ARHGEF28: variants seen among roughly 807,000 people sequenced by gnomAD.
The protein encoded by ARHGEF28 is Rho guanine nucleotide exchange factor 28.
In ARHGEF28, 152 loss-of-function variants were observed where a neutral mutation model predicts 206.6. The ratio of observed to expected loss-of-function variants is 0.74; its 90% CI spans 0.64 to 0.84. The LOEUF is 0.84. Ranked by LOEUF, ARHGEF28 falls within the 40% of genes least tolerant of loss-of-function variation. ARHGEF28 has a pLI of 0.00. For missense variants in ARHGEF28, 2,028 were observed against 2,073.2 expected, an observed-to-expected ratio of 0.98 and a Z score of 0.42; for synonymous variants, 763 against 776.4, an observed-to-expected ratio of 0.98 and a Z score of 0.29.
intron 15 of ARHGEF28, 56 bp from the exon 16 acceptor site, chr5:73,858,031 G>A (rs1021497809): frequency 9.0e-6 from 14 of 1,549,628 alleles, no homozygotes; most frequent in Non-Finnish European, 1.1e-5. Flanking sequence ...TTGGCTCACA[G>A]CGTTTTCCTT....
Position 73,892,370 on chromosome 5 carries a change from C to T in ARHGEF28, c.3566+140C>T, listed in dbSNP as rs191006438. On this transcript the variant is annotated intron_variant, in intron 27 of 35. Transcript: ENST00000513042. The stretch of plus-strand genomic sequence containing the variant: ...GCCCCCTGCACCTGCCTGCGATAGC[C>T]CCCCATCTGCAGCTTTCTCCTCCAC... 1.4e-3 allele frequency: 1,210 copies of T among 882,862 alleles called. 1 individual carries two copies. Among genetic ancestry groups the T allele is most frequent in the Admixed American group, 4.7e-3 (163 of 34,986 alleles). The allele number at this position is 882,862 out of a possible 1,614,324, so 54.7% of individuals were successfully genotyped here.
At chr5:73,922,017 G>T (rs1763547292) in intron 35 of ARHGEF28, among the ~76,000 whole-genome samples, 1 of 152,180 alleles carries the variant, frequency 6.6e-6, no homozygotes, top group Non-Finnish European at 1.5e-5. Context: ...GGAATTGCAT[G>T]CTCAAAGACT....
At chr5:73,937,573 C>T (rs2112055170) in intron 35 of ARHGEF28, among the ~76,000 whole-genome samples, 1 of 152,236 alleles carries the variant, frequency 6.6e-6, no homozygotes, top group Non-Finnish European at 1.5e-5. Context: ...AGTTTTGTTT[C>T]ATTATAATAA....
intron 1 of ARHGEF28, among the ~76,000 whole-genome samples, chr5:73,647,942 C>T (rs1377092464): frequency 1.3e-5 from 2 of 152,176 alleles, no homozygotes; most frequent in Non-Finnish European, 2.9e-5. Context: ...AGATCTTTGC[C>T]TGTTAATCAG....
chr5:73,628,093 T>A (rs1481737927), intron 1 of ARHGEF28, among the ~76,000 whole-genome samples: 2 of 147,544 alleles, frequency 1.4e-5, no homozygotes, highest in Admixed American at 6.7e-5. Flanking sequence ...GTTTCATACT[T>A]TTTTTTTTTA....
chr5:73,924,352 A>G (rs1357300349), intron 35 of ARHGEF28, among the ~76,000 whole-genome samples: 1 of 152,170 alleles, frequency 6.6e-6, no homozygotes, highest in East Asian at 1.9e-4. Flanking sequence ...TGAAATTTTA[A>G]GCAGGTGTTT....
intron 1 of ARHGEF28, among the ~76,000 whole-genome samples, chr5:73,632,076 A>G (rs746803561): frequency 5.3e-5 from 8 of 152,288 alleles, no homozygotes; most frequent in Non-Finnish European, 8.8e-5. Context: ...TAGAATATAC[A>G]CGTGTTGGTC....
chr5:73,703,570 CTT>C (rs1261101691), intron 2 of ARHGEF28, among the ~76,000 whole-genome samples: 2 of 152,044 alleles, frequency 1.3e-5, no homozygotes, highest in Non-Finnish European at 2.9e-5. Context: ...AGGTTATAGA[CTT>C]TGCCTGCTTT....
intron 16 of ARHGEF28, among the ~76,000 whole-genome samples, chr5:73,864,175 C>T (rs145564457): frequency 1.6e-3 from 250 of 152,268 alleles, no homozygotes; most frequent in African/African-American, 5.4e-3. Flanking sequence ...ATGAGGACAG[C>T]CTCAGTGTCT....
chr5:73,852,812 C>T (rs1351502127), intron 14 of ARHGEF28, 120 bp downstream of exon 14: 5 of 1,054,390 alleles, frequency 4.7e-6, no homozygotes, highest in Admixed American at 3.5e-5. Context: ...ACAAGCCTGC[C>T]TAAGACCCTT....
intron 16 of ARHGEF28, among the ~76,000 whole-genome samples, chr5:73,860,517 T>TCA (rs1481351535): frequency 3.3e-4 from 51 of 152,250 alleles, no homozygotes; most frequent in African/African-American, 1.2e-3. Context: ...ATCACAAGCT[T>TCA]CAACCCTGGC....
chr5:73,659,841 T>C (rs1195813311), intron 1 of ARHGEF28, among the ~76,000 whole-genome samples: 2 of 152,224 alleles, frequency 1.3e-5, no homozygotes, highest in Non-Finnish European at 2.9e-5. Flanking sequence ...AAATACCTAA[T>C]TAAAAATACT....
intron 35 of ARHGEF28, among the ~76,000 whole-genome samples, chr5:73,934,861 C>A (rs1561208359): frequency 6.6e-6 from 1 of 152,160 alleles, no homozygotes; most frequent in Non-Finnish European, 1.5e-5. Flanking sequence ...TATCTATTGG[C>A]ATCCTGTTTA....
chr5:73,691,800 G>C (rs1411379535), intron 2 of ARHGEF28, among the ~76,000 whole-genome samples: 1 of 152,214 alleles, frequency 6.6e-6, no homozygotes, highest in Admixed American at 6.5e-5. Context: ...TATGGGTCAA[G>C]CTCATTCCCT....
chr5:73,807,570 C>T (rs1163220784), intron 9 of ARHGEF28, among the ~76,000 whole-genome samples: 4 of 151,622 alleles, frequency 2.6e-5, no homozygotes, highest in Admixed American at 6.6e-5. Flanking sequence ...CTGCAACTTC[C>T]ACCTCCCAGG....
intron 2 of ARHGEF28, among the ~76,000 whole-genome samples, chr5:73,747,333 A>ATTCCAAT (rs1751773300): frequency 6.6e-6 from 1 of 152,138 alleles, no homozygotes; most frequent in Non-Finnish European, 1.5e-5. Flanking sequence ...TTTTTAGAAA[A>ATTCCAAT]GTAGCAGATT....
intron 29 of ARHGEF28, among the ~76,000 whole-genome samples, chr5:73,896,106 C>G (rs1761947614): frequency 6.6e-6 from 1 of 152,290 alleles, no homozygotes; most frequent in African/African-American, 2.4e-5. Context: ...AAAAAGAGAA[C>G]TTTGGATAGT....
chr5:73,722,652 A>G (rs778559878), intron 2 of ARHGEF28, among the ~76,000 whole-genome samples: 1 of 152,232 alleles, frequency 6.6e-6, no homozygotes, highest in African/African-American at 2.4e-5. Flanking sequence ...TAAACTTCAA[A>G]GTACGACTCC....
chr5:73,789,506 A>G (rs535363843), intron 7 of ARHGEF28, among the ~76,000 whole-genome samples: 42 of 152,226 alleles, frequency 2.8e-4, no homozygotes, highest in African/African-American at 9.9e-4. Context: ...ATGGTTGCAG[A>G]ACTCAATATA....
Sources: allele counts gnomAD v4.1 joint callset (sites outside exome capture counted in the v4.1 genomes callset), GRCh38; gene constraint gnomAD v4.1.1; transcripts MANE v1.5; gene names NCBI Gene and HGNC (gene_info 2026-07-23, HGNC 2026-07-21).